The following CBFB variants were observed in gnomAD, a reference collection of about 807,000 sequenced individuals.
The protein encoded by CBFB is CBF-beta.
A neutral mutation model predicts 30.4 loss-of-function variants in CBFB; 9 were observed. The observed-to-expected ratio is 0.30, with a 90% CI of 0.18 to 0.52. The LOEUF is 0.52. Ranked by LOEUF, CBFB falls within the 20% of genes least tolerant of loss-of-function variation. CBFB has a pLI of 0.97. For synonymous variants in CBFB, 94 were observed against 84.0 expected (o/e 1.12, Z -0.65); for missense variants, 170 against 244.0 (o/e 0.70, Z 2.02).
intron 2 of CBFB, among the ~76,000 whole-genome samples, chr16:67,033,655 A>G (rs1427407987): frequency 1.4e-5 from 2 of 140,526 alleles, no homozygotes; most frequent in Admixed American, 1.5e-4. Context: ...TCTGTCGCCC[A>G]GGCTGGAGTG....
At chr16:67,072,803 C>T (rs960548197) in intron 4 of CBFB, among the ~76,000 whole-genome samples, 2 of 151,236 alleles carry the variant, frequency 1.3e-5, no homozygotes, top group African/African-American at 4.9e-5. Flanking sequence ...CAGAGTCTTG[C>T]TCTGTTGCTC....
intron 4 of CBFB, among the ~76,000 whole-genome samples, chr16:67,077,666 A>T (rs916882839): frequency 6.6e-6 from 1 of 152,176 alleles, no homozygotes; most frequent in Non-Finnish European, 1.5e-5. Flanking sequence ...CTTGGAAAAA[A>T]ATTGATTCTT....
chr16:67,094,662 CCTTT>C (rs1961988559), intron 5 of CBFB, among the ~76,000 whole-genome samples: 1 of 152,094 alleles, frequency 6.6e-6, no homozygotes, highest in African/African-American at 2.4e-5. Context: ...TTGCTTGGCC[CCTTT>C]CTAACCTTCA....
chr16:67,049,634 A>G (rs1376345041), intron 3 of CBFB, among the ~76,000 whole-genome samples: 1 of 151,858 alleles, frequency 6.6e-6, no homozygotes, highest in Admixed American at 6.6e-5. Flanking sequence ...GGCACATGCC[A>G]CCGCACCAGC....
intron 3 of CBFB, among the ~76,000 whole-genome samples, chr16:67,045,119 C>G (rs1017181036): frequency 6.6e-6 from 1 of 151,922 alleles, no homozygotes; most frequent in Non-Finnish European, 1.5e-5. Context: ...ATATTTGACA[C>G]CTTTGTAGCT....
intron 5 of CBFB, among the ~76,000 whole-genome samples, chr16:67,088,917 G>A (rs1961804946): frequency 1.3e-5 from 2 of 152,232 alleles, no homozygotes; most frequent in Admixed American, 6.5e-5. Context: ...CAAGTGGTTG[G>A]TGGCCCAAGG....
At chr16:67,060,815 C>T (rs1325606190) in intron 3 of CBFB, among the ~76,000 whole-genome samples, 2 of 152,182 alleles carry the variant, frequency 1.3e-5, no homozygotes, top group Non-Finnish European at 2.9e-5. Flanking sequence ...TCGCCTCCCA[C>T]AGTGCTGGAA....
chr16:67,046,940 G>A (rs1269912947), intron 3 of CBFB, among the ~76,000 whole-genome samples: 1 of 152,120 alleles, frequency 6.6e-6, no homozygotes, highest in Admixed American at 6.6e-5. Flanking sequence ...CAGTTGGAAA[G>A]TATTATCTGT....
chr16:67,029,316 G>GAT lies in CBFB; in HGVS notation c.-92_-91insAT. 1.2e-6 allele frequency: 1 copy of GAT among 861,026 alleles called. No individual in the cohort carries two copies. The highest frequency in any genetic ancestry group is 1.6e-6 in the Non-Finnish European group (1 of 639,962). The allele number at this position is 861,026 out of a possible 1,614,324, so 53.3% of individuals were successfully genotyped here. A position where few individuals can be genotyped will look rare whatever the true frequency, so the allele number is the denominator to read the frequency against. ...GGGAAGCGGGCGTCCGGGCGCCGCG[G>GAT]GTGGGCGGTCAGTCGGTCAGCGCGG... On this transcript the variant is annotated 5_prime_UTR_variant, in exon 1 of 6. It adds an upstream start codon to the 5' untranslated region. Coordinates refer to ENST00000412916, the MANE Select transcript of CBFB (RefSeq NM_022845.3).
chr16:67,054,821 C>T (rs1438696271), intron 3 of CBFB, among the ~76,000 whole-genome samples: 9 of 152,106 alleles, frequency 5.9e-5, no homozygotes, highest in African/African-American at 2.2e-4. Flanking sequence ...GGTGCGATCT[C>T]GCCTCACTGC....
chr16:67,080,667 T>G (rs1961529921), intron 4 of CBFB, among the ~76,000 whole-genome samples: 1 of 152,166 alleles, frequency 6.6e-6, no homozygotes, highest in South Asian at 2.1e-4. Flanking sequence ...ATAATTTCCC[T>G]TGAGATTTTA....
chr16:67,060,814 A>C (rs1179329359), intron 3 of CBFB, among the ~76,000 whole-genome samples: 1 of 152,098 alleles, frequency 6.6e-6, no homozygotes, highest in East Asian at 1.9e-4. Flanking sequence ...CTCGCCTCCC[A>C]CAGTGCTGGA....
chr16:67,029,982 A>G (rs1372271068), intron 2 of CBFB, 169 bp downstream of exon 2: 1 of 479,050 alleles, frequency 2.1e-6, no homozygotes, highest in East Asian at 3.8e-5. Flanking sequence ...GCGGGCCGGT[A>G]CTCGCGGGGA....
At chr16:67,073,582 C>G (rs1465052728) in intron 4 of CBFB, among the ~76,000 whole-genome samples, 2 of 151,892 alleles carry the variant, frequency 1.3e-5, no homozygotes, top group Admixed American at 1.3e-4. Context: ...TCCGTCTCTA[C>G]TGAAAATTCA....
chr16:67,069,722 A>C (rs1961164975), intron 4 of CBFB, among the ~76,000 whole-genome samples: 1 of 152,226 alleles, frequency 6.6e-6, no homozygotes. Flanking sequence ...AGCAGCAAGA[A>C]AGGATTCCTC....
At chr16:67,037,641 C>T (rs975949582) in intron 3 of CBFB, among the ~76,000 whole-genome samples, 3 of 148,834 alleles carry the variant, frequency 2.0e-5, no homozygotes, top group Non-Finnish European at 3.0e-5. Context: ...TTCAGGTCTA[C>T]GTTAAATGTA....
At chr16:67,075,106 C>T (rs1238069869) in intron 4 of CBFB, among the ~76,000 whole-genome samples, 1 of 151,790 alleles carries the variant, frequency 6.6e-6, no homozygotes, top group Non-Finnish European at 1.5e-5. Flanking sequence ...AGGAGAAGCC[C>T]ATGAACCTGG....
intron 4 of CBFB, among the ~76,000 whole-genome samples, chr16:67,080,262 C>T (rs1961518436): frequency 6.8e-6 from 1 of 147,846 alleles, no homozygotes; most frequent in Non-Finnish European, 1.5e-5. Context: ...TGAGGAGTGA[C>T]CAAATGGAAG....
chr16:67,052,431 C>T (rs974134870), intron 3 of CBFB, among the ~76,000 whole-genome samples: 1 of 151,746 alleles, frequency 6.6e-6, no homozygotes, highest in African/African-American at 2.4e-5. Context: ...TTTTAAGTGA[C>T]TGGGCATAGT....
Sources: allele counts gnomAD v4.1 joint callset (sites outside exome capture counted in the v4.1 genomes callset), GRCh38; gene constraint gnomAD v4.1.1; transcripts MANE v1.5; gene names NCBI Gene and HGNC (gene_info 2026-07-23, HGNC 2026-07-21).